The following NID1 variants were observed in gnomAD, a reference collection of about 807,000 sequenced individuals.
NID1 encodes nidogen 1.
In NID1, 76 loss-of-function variants were observed where a neutral mutation model predicts 130.6. The observed-to-expected ratio is 0.58, with a 90% CI of 0.48 to 0.70. The LOEUF (loss-of-function observed/expected upper bound fraction) is 0.70. Among genes scored for constraint, NID1 ranks in the 30% least tolerant of loss-of-function variants. The probability of loss-of-function intolerance (pLI) is 0.00; values close to 1 mark genes in which losing one functional copy is unlikely to be tolerated. For synonymous variants in NID1, 665 were observed against 675.1 expected (o/e 0.98, Z 0.23); for missense variants, 1,517 against 1,664.8 (o/e 0.91, Z 1.54).
At chr1:236,060,761 G>C (rs947076483) in intron 1 of NID1, 1 of 127,736 alleles carries the variant, frequency 7.8e-6, no homozygotes, top group African/African-American at 2.8e-5. Flanking sequence ...GGCTAAATTA[G>C]ACTGGGCAAA....
intron 12 of NID1, among the ~76,000 whole-genome samples, chr1:235,997,434 G>A (rs2102804635): frequency 6.6e-6 from 1 of 152,076 alleles, no homozygotes; most frequent in East Asian, 1.9e-4. Flanking sequence ...TTATGTTAAG[G>A]GGAAATATGT....
At chr1:236,036,760 A>G (rs1489920395) in intron 5 of NID1, among the ~76,000 whole-genome samples, 1 of 152,190 alleles carries the variant, frequency 6.6e-6, no homozygotes, top group Non-Finnish European at 1.5e-5. Context: ...AGGAAGAGGA[A>G]GAGAGACCCG....
chr1:236,022,570 C>T (rs1177866969), intron 9 of NID1, among the ~76,000 whole-genome samples: 1 of 151,132 alleles, frequency 6.6e-6, no homozygotes, highest in South Asian at 2.1e-4. Flanking sequence ...AAACTCCCGA[C>T]CTCATGATCC....
At chr1:236,046,816 C>T (rs970443597) in intron 2 of NID1, among the ~76,000 whole-genome samples, 2 of 152,202 alleles carry the variant, frequency 1.3e-5, no homozygotes, top group Non-Finnish European at 2.9e-5. Context: ...AGACAGATAA[C>T]AGTTGGCAAG....
chr1:236,061,745 GA>G (rs1403721219), intron 1 of NID1, among the ~76,000 whole-genome samples: 2 of 151,344 alleles, frequency 1.3e-5, no homozygotes, highest in Non-Finnish European at 2.9e-5. Context: ...AAAAAAACAC[GA>G]TTTTTTTTTA....
At chr1:236,009,544 C>T (rs1382477329) in intron 12 of NID1, among the ~76,000 whole-genome samples, 1 of 152,154 alleles carries the variant, frequency 6.6e-6, no homozygotes, top group African/African-American at 2.4e-5. Flanking sequence ...CATGTTGTAG[C>T]TTTCTTATGT....
Position 235,990,984 on chromosome 1 carries a change from T to C in NID1, c.2830A>G (p.Thr944Ala). 6.2e-7 allele frequency: 1 copy of C among 1,613,896 alleles called. No homozygotes were observed. The highest frequency in any genetic ancestry group is 2.2e-5 in the East Asian group (1 of 44,870). ...PTAVIPLPPG[T>A]HLLFAQTGKI... ...CCAGTCTGGGCAAAGAGTAAATGGG[T>C]CCCAGGAGGCAAGGGGATCACGGCG... Residue 944 changes from threonine (T) to alanine (A), a missense_variant, in exon 14 of 20, where the codon ACC becomes GCC. Physicochemically the swap from Thr to Ala is moderately conservative, Grantham distance 58. Around this residue, in one of 3 missense-constraint regions of NID1, gnomAD observed 1,329 missense variants for 1,429.2 expected, o/e 0.93. Coordinates refer to ENST00000264187, the MANE Select transcript of NID1 (RefSeq NM_002508.3).
chr1:236,011,943 G>T lies in NID1; in HGVS notation c.2505C>A (p.Asp835Glu). Residue 835 changes from aspartate to glutamate, a missense_variant, in exon 12 of 20, where the codon GAC (aspartate) becomes GAA (glutamate). Transcript: ENST00000264187. Reference protein sequence around the residue: ...TCQCKPGYQGDGFRCVPGEVE... With the variant: ...TCQCKPGYQGEGFRCVPGEVE... The stretch of plus-strand genomic sequence containing the variant: ...TACCTCCGGGCACGCAACGGAAGCC[G>T]TCTCCCTGATAACCAGGTTTGCACT... 6.2e-7 allele frequency: 1 copy of T among 1,614,102 alleles called. No homozygotes were observed. Among genetic ancestry groups the T allele is most frequent in the Non-Finnish European group, 8.5e-7 (1 of 1,180,022 alleles).
chr1:235,988,138 A>G (rs995001529), intron 14 of NID1, among the ~76,000 whole-genome samples: 1 of 152,240 alleles, frequency 6.6e-6, no homozygotes, highest in Admixed American at 6.5e-5. Context: ...ATTGCGAATC[A>G]TGTATCTTTT....
chr1:236,012,807 T>A (rs562631560), intron 11 of NID1, among the ~76,000 whole-genome samples: 37 of 152,278 alleles, frequency 2.4e-4, no homozygotes, highest in African/African-American at 7.9e-4. Flanking sequence ...TGGGACTTTT[T>A]AGAAATACTC....
intron 12 of NID1, among the ~76,000 whole-genome samples, chr1:235,994,453 C>T (rs933119185): frequency 1.6e-4 from 24 of 152,238 alleles, no homozygotes; most frequent in African/African-American, 1.9e-4. Context: ...TGAGCCACTG[C>T]GCCCTGCCAA....
At chr1:236,016,021 T>C (rs1239321052) in intron 10 of NID1, among the ~76,000 whole-genome samples, 2 of 152,066 alleles carry the variant, frequency 1.3e-5, no homozygotes, top group African/African-American at 4.8e-5. Context: ...GGATAAAGTA[T>C]CCACTGCCCA....
chr1:236,055,173 G>A (rs1218736483), intron 1 of NID1, among the ~76,000 whole-genome samples: 10 of 151,938 alleles, frequency 6.6e-5, no homozygotes, highest in African/African-American at 2.2e-4. Flanking sequence ...GCGTGGTGGC[G>A]GGTGTCTGTA....
intron 9 of NID1, among the ~76,000 whole-genome samples, chr1:236,019,800 G>A (rs574744733): frequency 1.3e-5 from 2 of 152,264 alleles, no homozygotes; most frequent in South Asian, 4.1e-4. Flanking sequence ...CCAGCACTCT[G>A]GGAGGCTGAG....
Position 236,038,247 on chromosome 1 carries a change from C to G in NID1, c.1142G>C (p.Ser381Thr), listed in dbSNP as rs1659320679. The G allele has an allele frequency of 6.2e-7, 1 of 1,612,192 alleles. No homozygotes were observed. Among genetic ancestry groups the G allele is most frequent in the Non-Finnish European group, 8.5e-7 (1 of 1,178,646 alleles). The change falls in exon 5 of 20, where the codon AGC becomes ACC. Residue 381 changes from serine (S) to threonine (T), a missense_variant. Coordinates refer to ENST00000264187, the MANE Select transcript of NID1 (RefSeq NM_002508.3). The part of the protein sequence containing the change: ...DEVEETGVVF[S>T]YNTDSRQTCA... Reference sequence around the variant, plus strand: ...CGTCTGGCGGGAATCCGTGTTATAGCTGAAAACTGGTCCAAGAAAACAATT... The same window carrying G: ...CGTCTGGCGGGAATCCGTGTTATAGGTGAAAACTGGTCCAAGAAAACAATT...
rs986958888 is a variant in NID1, at chr1:235,976,204, A to T, written c.*1663T>A. ...ATTATTCAAGGAAGACTTTCTTTCAATTCAGGTTCCAATGTACTGCAGAAG... is the reference window on the plus strand; with the variant it reads ...ATTATTCAAGGAAGACTTTCTTTCATTTCAGGTTCCAATGTACTGCAGAAG... On this transcript the variant is annotated 3_prime_UTR_variant, in exon 20 of 20. Transcript: ENST00000264187. 6.6e-6 allele frequency: 1 copy of T among 152,194 alleles called. No homozygotes were observed. The highest frequency in any genetic ancestry group is 2.4e-5 in the African/African-American group (1 of 41,432). 9.4% of individuals were successfully genotyped at this position (152,194 alleles called of 1,614,324 possible). A position where few individuals can be genotyped will look rare whatever the true frequency, so the allele number is the denominator to read the frequency against.
Position 236,052,895 on chromosome 1 carries a change from AAATG to A in NID1, c.226-3910_226-3907del, listed in dbSNP as rs61159787. 9.2e-5 allele frequency among the ~76,000 whole-genome samples: 14 copies of A among 152,176 alleles called. No homozygotes were observed. In the East Asian group the frequency reaches 1.9e-3, roughly 21 times the overall value. On this transcript the variant is annotated intron_variant, in intron 1 of 19. Transcript: ENST00000264187. The stretch of plus-strand genomic sequence containing the variant: ...CTCTGAACTGGAATAAGCAGCTGGA[AAATG>A]AATGAATGAATGAATGAATGAATAC...
intron 5 of NID1, among the ~76,000 whole-genome samples, chr1:236,037,493 A>T (rs1447893051): frequency 6.6e-6 from 1 of 152,172 alleles, no homozygotes; most frequent in Non-Finnish European, 1.5e-5. Flanking sequence ...CCCCATCTCT[A>T]TGAAAAATAC....
At position 236,038,631 on chromosome 1, in the gene NID1, G is replaced by T. The variant is rs1279828233; in HGVS notation, c.1136-378C>A. 2.1e-4 allele frequency among the ~76,000 whole-genome samples: 32 copies of T among 150,362 alleles called. No individual in the cohort carries two copies. In the Admixed American group the frequency reaches 2.1e-3, roughly 10 times the overall value. On this transcript the variant is annotated intron_variant, in intron 4 of 19. Coordinates refer to ENST00000264187, the MANE Select transcript of NID1 (RefSeq NM_002508.3). The stretch of plus-strand genomic sequence containing the variant: ...AGTGAGAACAATGAGCTTCATGTTT[G>T]GGGGGACTCTTAAAATATATATTAA...
Sources: gnomAD v4.1 joint callset for allele counts (sites outside exome capture counted in the v4.1 genomes callset) on GRCh38, gnomAD v4.1.1 for gene constraint, gnomAD v4.1.1 regional missense constraint, MANE v1.5 for transcripts, NCBI Gene and HGNC (gene_info 2026-07-23, HGNC 2026-07-21) for gene names.